SNX30: variants seen among roughly 807,000 people sequenced by gnomAD.
The protein encoded by SNX30 is sorting nexin family member 30.
Under a neutral mutation model 46.4 loss-of-function variants are expected in SNX30, and 24 were observed. The observed-to-expected ratio is 0.52, with a 90% CI of 0.37 to 0.73. The LOEUF is 0.73. SNX30 is among the 30% of genes least tolerant of loss of function. SNX30 has a pLI of 0.00. For missense variants in SNX30, 533 were observed against 555.7 expected, an observed-to-expected ratio of 0.96 and a Z score of 0.41; for synonymous variants, 189 against 211.5, an observed-to-expected ratio of 0.89 and a Z score of 0.92.
chr9:112,790,547 G>T (rs957443329), intron 1 of SNX30, among the ~76,000 whole-genome samples: 3 of 152,200 alleles, frequency 2.0e-5, no homozygotes, highest in Non-Finnish European at 4.4e-5. Flanking sequence ...CTGATCCGAT[G>T]TACATTCATG....
intron 7 of SNX30, among the ~76,000 whole-genome samples, chr9:112,853,830 G>A (rs1539341): frequency 0.74 from 112,078 of 152,194 alleles, 41,386 homozygotes; most frequent in South Asian, 0.84. Flanking sequence ...GATTGTGATC[G>A]TCACTACACA....
chr9:112,847,514 CCA>C (rs1197798177), intron 6 of SNX30, among the ~76,000 whole-genome samples: 1 of 151,864 alleles, frequency 6.6e-6, no homozygotes, highest in Non-Finnish European at 1.5e-5. Flanking sequence ...TCAAATTTCC[CCA>C]GTTTGTCTCA....
chr9:112,832,032 G>C (rs1049742322), intron 4 of SNX30, among the ~76,000 whole-genome samples: 1 of 152,288 alleles, frequency 6.6e-6, no homozygotes, highest in African/African-American at 2.4e-5. Flanking sequence ...ATAACATTAG[G>C]TGACATTAAA....
intron 8 of SNX30, among the ~76,000 whole-genome samples, chr9:112,868,325 G>T (rs930669693): frequency 6.6e-6 from 1 of 152,164 alleles, no homozygotes; most frequent in African/African-American, 2.4e-5. Context: ...GGAAGAGTGG[G>T]CTTTCCACCC....
chr9:112,779,200 G>A (rs1447166309), intron 1 of SNX30, among the ~76,000 whole-genome samples: 1 of 152,238 alleles, frequency 6.6e-6, no homozygotes, highest in Non-Finnish European at 1.5e-5. Context: ...GGTCCTGTAT[G>A]CAATGTATTA....
intron 6 of SNX30, among the ~76,000 whole-genome samples, chr9:112,841,023 A>G (rs997346453): frequency 2.0e-5 from 3 of 152,020 alleles, no homozygotes; most frequent in African/African-American, 7.3e-5. Flanking sequence ...CGGCCTCCCA[A>G]AGTGCTGGGA....
At chr9:112,864,492 T>C (rs995032582) in intron 8 of SNX30, 93 bp downstream of exon 8, 78 of 1,497,572 alleles carry the variant, frequency 5.2e-5, no homozygotes, top group Non-Finnish European at 6.3e-5. Context: ...CCTGCTAGTC[T>C]CATCTCCTTC....
chr9:112,863,843 A>G (rs902607462), intron 7 of SNX30, among the ~76,000 whole-genome samples: 2 of 152,226 alleles, frequency 1.3e-5, no homozygotes, highest in African/African-American at 4.8e-5. Flanking sequence ...TAGTTCCAAT[A>G]TGGGACACAG....
At chr9:112,838,397 CA>C in intron 5 of SNX30, 100 bp from the exon 6 acceptor site, 1 of 952,770 alleles carries the variant, frequency 1.0e-6, no homozygotes, top group Non-Finnish European at 1.6e-6. Context: ...CAAAGAAACA[CA>C]TGTTCATGTA....
chr9:112,766,797 C>CT (rs1402270006), intron 1 of SNX30, among the ~76,000 whole-genome samples: 12 of 152,184 alleles, frequency 7.9e-5, no homozygotes, highest in Admixed American at 3.9e-4. Flanking sequence ...GGATTTCCAT[C>CT]TTTTTTAAGG....
intron 1 of SNX30, among the ~76,000 whole-genome samples, chr9:112,761,171 G>T (rs1454216760): frequency 6.6e-6 from 1 of 151,986 alleles, no homozygotes; most frequent in East Asian, 1.9e-4. Context: ...TTGTTTGTTT[G>T]TTTGTTTTTG....
rs1260322002 is a variant in SNX30, at chr9:112,779,219, T to C, written c.157-25557T>C. Among the ~76,000 whole-genome samples the C allele has an allele frequency of 2.0e-5, 3 of 152,188 alleles. No individual in the cohort carries two copies. The East Asian group carries it at 5.8e-4, about 29-fold the overall frequency. Reference sequence around the variant, plus strand: ...CTGTATGCAATGTATTAGCGGGACATTTAGGTGTCTCCTTAGGAGGTGACG... The same window carrying C: ...CTGTATGCAATGTATTAGCGGGACACTTAGGTGTCTCCTTAGGAGGTGACG... On this transcript the variant is annotated intron_variant, in intron 1 of 8. Transcript: ENST00000374232.
chr9:112,807,564 T>G (rs1840250483), intron 2 of SNX30, among the ~76,000 whole-genome samples: 1 of 152,246 alleles, frequency 6.6e-6, no homozygotes, highest in Non-Finnish European at 1.5e-5. Context: ...ATTTATTTTT[T>G]TCTAGGGTGA....
chr9:112,850,902 C>G lies in SNX30; in HGVS notation c.1058C>G (p.Ala353Gly). 6.2e-7 allele frequency: 1 copy of G among 1,613,958 alleles called. No homozygotes were observed. Among genetic ancestry groups the G allele is most frequent in the Non-Finnish European group, 8.5e-7 (1 of 1,179,976 alleles). The change falls in exon 7 of 9, where the codon GCC (alanine) becomes GGC (glycine). Residue 353 changes from alanine (A) to glycine (G), a missense_variant. By Grantham distance (60) the Ala-to-Gly change is moderately conservative. Transcript: ENST00000374232. Reference sequence around the variant, plus strand: ...GACCAAGTTCAAGCAGAGTATGAAGCCAAACTGGAAGCTGTGGCTCTGCGG... The same window carrying G: ...GACCAAGTTCAAGCAGAGTATGAAGGCAAACTGGAAGCTGTGGCTCTGCGG... ...KRDQVQAEYE[A>G]KLEAVALRKE...
intron 7 of SNX30, among the ~76,000 whole-genome samples, chr9:112,851,475 G>A (rs1005367068): frequency 6.6e-6 from 1 of 152,188 alleles, no homozygotes; most frequent in Admixed American, 6.5e-5. Flanking sequence ...CAGCTTGGTC[G>A]AATTGGGGGA....
chr9:112,834,318 C>T (rs1840714811), intron 4 of SNX30, among the ~76,000 whole-genome samples: 1 of 152,102 alleles, frequency 6.6e-6, no homozygotes, highest in Non-Finnish European at 1.5e-5. Context: ...GATCTCGGAC[C>T]TTAAGTTCAA....
At chr9:112,781,462 T>A (rs1839846312) in intron 1 of SNX30, among the ~76,000 whole-genome samples, 1 of 152,210 alleles carries the variant, frequency 6.6e-6, no homozygotes, top group African/African-American at 2.4e-5. Context: ...CCTTTATGGA[T>A]TCTGCTTTTT....
In SNX30 at chr9:112,804,769, C is replaced by G; in HGVS notation, c.157-7C>G. The G allele has an allele frequency of 6.3e-7, 1 of 1,594,750 alleles. No individual in the cohort carries two copies. Among genetic ancestry groups the G allele is most frequent in the Non-Finnish European group, 8.5e-7 (1 of 1,169,898 alleles). On this transcript the variant is annotated splice_polypyrimidine_tract_variant and splice_region_variant and intron_variant, in intron 1 of 8. Coordinates refer to ENST00000374232, the MANE Select transcript of SNX30 (RefSeq NM_001012994.2). ...TTTAATTTTAAGGTGCTCTTTTCTTCTTTTAGGATCTCATTTTGCCCAACG... is the reference window on the plus strand; with the variant it reads ...TTTAATTTTAAGGTGCTCTTTTCTTGTTTTAGGATCTCATTTTGCCCAACG...
At chr9:112,882,515 G>A (rs1263351273), downstream of SNX30, among the ~76,000 whole-genome samples, 2 of 152,214 alleles carry the variant, frequency 1.3e-5, no homozygotes, top group East Asian at 3.8e-4. Context: ...GCCACCTGCT[G>A]GAGAGAGGAT....
Sources: gnomAD v4.1 joint callset for allele counts (sites outside exome capture counted in the v4.1 genomes callset) on GRCh38, gnomAD v4.1.1 for gene constraint, MANE v1.5 for transcripts, NCBI Gene and HGNC (gene_info 2026-07-23, HGNC 2026-07-21) for gene names.